The following FARP1 variants were observed in gnomAD, a reference collection of about 807,000 sequenced individuals.
The protein encoded by FARP1 is FERM, ARHGEF and pleckstrin domain-containing protein 1.
A neutral mutation model predicts 128.8 loss-of-function variants in FARP1; 52 were observed. That is an observed-to-expected ratio of 0.40 (90% confidence interval 0.32 to 0.51). The LOEUF (loss-of-function observed/expected upper bound fraction) is 0.51, where lower values mean the gene tolerates loss of function less well. Ranked by LOEUF, FARP1 falls within the 20% of genes least tolerant of loss-of-function variation. The probability of loss-of-function intolerance (pLI) is 0.45; values close to 1 mark genes in which losing one functional copy is unlikely to be tolerated. For missense variants in FARP1, 1,333 were observed against 1,367.9 expected, an observed-to-expected ratio of 0.97 and a Z score of 0.40; for synonymous variants, 580 against 551.8, an observed-to-expected ratio of 1.05 and a Z score of -0.72.
chr13:98,265,479 C>A (rs1287734843), intron 2 of FARP1, among the ~76,000 whole-genome samples: 165 of 150,958 alleles, frequency 1.1e-3, no homozygotes, highest in African/African-American at 3.9e-3. Context: ...GCCACTACGC[C>A]CGGCTAATTT....
At chr13:98,356,150 T>A (rs537461163) in intron 3 of FARP1, among the ~76,000 whole-genome samples, 1 of 152,352 alleles carries the variant, frequency 6.6e-6, no homozygotes, top group South Asian at 2.1e-4. Context: ...TCTGCCTACA[T>A]ACTAATATTG....
chr13:98,318,728 C>G (rs941839886), intron 2 of FARP1, among the ~76,000 whole-genome samples: 10 of 152,202 alleles, frequency 6.6e-5, no homozygotes, highest in African/African-American at 2.4e-4. Context: ...TCTGCCTTCT[C>G]TTTGATGTCT....
At chr13:98,240,711 G>A (rs1300479432) in intron 2 of FARP1, among the ~76,000 whole-genome samples, 1 of 152,240 alleles carries the variant, frequency 6.6e-6, no homozygotes, top group Non-Finnish European at 1.5e-5. Context: ...GAATTTCAGT[G>A]ATTTCAACAC....
At chr13:98,200,364 G>A (rs12868005) in intron 1 of FARP1, among the ~76,000 whole-genome samples, 59,092 of 147,772 alleles carry the variant, frequency 0.4, 12,975 homozygotes, top group Non-Finnish European at 0.48. Context: ...GCCTGCATCA[G>A]AATCACCTGG....
chr13:98,419,501 C>CACACACAT (rs1401320066), intron 16 of FARP1, among the ~76,000 whole-genome samples: 42 of 151,420 alleles, frequency 2.8e-4, no homozygotes, highest in Middle Eastern at 3.4e-3. Context: ...CACACACACA[C>CACACACAT]ACACACACAC....
chr13:98,217,230 TTTTTTA>T (rs367854710), intron 2 of FARP1, among the ~76,000 whole-genome samples: 267 of 152,194 alleles, frequency 1.8e-3, no homozygotes, highest in African/African-American at 6.3e-3. Flanking sequence ...GCCATTTTTA[TTTTTTA>T]TTTTTATTTT....
Position 98,209,088 on chromosome 13 carries a change from A to G in FARP1, c.-23-4132A>G, listed in dbSNP as rs190299695. Among the ~76,000 whole-genome samples, 214 of 152,248 alleles carry G rather than the reference A, an allele frequency of 1.4e-3. 1 individual carries two copies. Among genetic ancestry groups the G allele is most frequent in the African/African-American group, 4.9e-3 (205 of 41,540 alleles). The stretch of plus-strand genomic sequence containing the variant: ...CAGTGGCACGATCTCGGCTCACTGT[A>G]AGCTCCGCCTCCCGGGTTCACGCCA... On this transcript the variant is annotated intron_variant, in intron 1 of 26. Coordinates refer to ENST00000319562, the MANE Select transcript of FARP1 (RefSeq NM_005766.4).
At chr13:98,291,207 A>G (rs886649875) in intron 2 of FARP1, among the ~76,000 whole-genome samples, 8 of 152,220 alleles carry the variant, frequency 5.3e-5, no homozygotes, top group African/African-American at 1.7e-4. Context: ...AGATTCCTAC[A>G]GTAAAGTAAG....
rs902167921 is a variant in FARP1 at position 98,454,485 on chromosome 13, TACATAAGGTCCTCCCAAAAGCAC to T, written c.*6173_*6195del. The T allele has an allele frequency of 2.0e-5, 3 of 152,184 alleles. No homozygotes were observed. Among genetic ancestry groups the T allele is most frequent in the African/African-American group, 7.2e-5 (3 of 41,428 alleles). 9.4% of individuals were successfully genotyped at this position (152,184 alleles called of 1,614,324 possible). ...GCATCTCTCCCAGAGAACAAATGGT[TACATAAGGTCCTCCCAAAAGCAC>T]ACATTAGCCACGGAGCCTAAGACTC... On this transcript the variant is annotated 3_prime_UTR_variant, in exon 27 of 27. Transcript: ENST00000319562.
chr13:98,249,720 C>T (rs536558525), intron 2 of FARP1, among the ~76,000 whole-genome samples: 5 of 152,282 alleles, frequency 3.3e-5, no homozygotes, highest in East Asian at 1.9e-4. Context: ...AAATATCACA[C>T]AGGCCTTGTG....
At chr13:98,148,121 G>A (rs1258707819) in intron 1 of FARP1, among the ~76,000 whole-genome samples, 3 of 152,168 alleles carry the variant, frequency 2.0e-5, no homozygotes, top group Non-Finnish European at 4.4e-5. Flanking sequence ...GCTCACGCCT[G>A]TAACCCCAGC....
At position 98,395,270 on chromosome 13, in the gene FARP1, C is replaced by T; in HGVS notation, c.1208C>T (p.Ser403Phe). The T allele has an allele frequency of 6.2e-7, 1 of 1,607,368 alleles. No individual in the cohort carries two copies. The highest frequency in any genetic ancestry group is 1.7e-5 in the Admixed American group (1 of 59,884). ...TSLTFGEGAESPGGQSCRRGK... is the reference protein window; with the variant it reads ...TSLTFGEGAEFPGGQSCRRGK... ...CTTACATTTGGAGAAGGTGCCGAATCTCCAGGGGGCCAGAGCTGCCGGCGA... is the reference window on the plus strand; with the variant it reads ...CTTACATTTGGAGAAGGTGCCGAATTTCCAGGGGGCCAGAGCTGCCGGCGA... Residue 403 changes from serine (S) to phenylalanine (F), a missense_variant, in exon 13 of 27, where the codon TCT (serine) becomes TTT (phenylalanine). This residue lies in a region of FARP1 where 1,009 missense variants were observed against 969.8 expected (regional missense o/e 1.04). Transcript: ENST00000319562.
chr13:98,181,959 G>A (rs1306294217), intron 1 of FARP1, among the ~76,000 whole-genome samples: 3 of 152,130 alleles, frequency 2.0e-5, no homozygotes, highest in Non-Finnish European at 4.4e-5. Flanking sequence ...CATTGCAAGA[G>A]AGATTAGCGC....
At chr13:98,419,483 T>TACACACACACACACACACACACACAC (rs57751374) in intron 16 of FARP1, among the ~76,000 whole-genome samples, 1 of 139,956 alleles carries the variant, frequency 7.1e-6, no homozygotes, top group Non-Finnish European at 1.5e-5. Context: ...CAAAAAAAAA[T>TACACACACACACACACACACACACAC]ACACACACAC....
In FARP1 at chr13:98,256,948, G is replaced by GGTATATATATATATATAT. The variant is rs59128917; in HGVS notation, c.171+43535_171+43536insGTATATATATATATATAT. On this transcript the variant is annotated intron_variant, in intron 2 of 26. Transcript: ENST00000319562. ...CAATAATTTTCAAAGTATATATGTG[G>GGTATATATATATATATAT]ATATATATATATATATATATATATA... is the stretch of plus-strand genomic sequence containing the variant. Among the ~76,000 whole-genome samples, 14 of 77,094 alleles carry GGTATATATATATATATAT rather than the reference G, an allele frequency of 1.8e-4. 1 individual carries two copies. The highest frequency in any genetic ancestry group is 0.012 in the Middle Eastern group (1 of 82). The allele number at this position is 77,094 out of a possible 152,430, so 50.6% of individuals were successfully genotyped here. A position where few individuals can be genotyped will look rare whatever the true frequency, so the allele number is the denominator to read the frequency against.
intron 2 of FARP1, among the ~76,000 whole-genome samples, chr13:98,272,372 C>A (rs1298134550): frequency 6.6e-6 from 1 of 152,050 alleles, no homozygotes; most frequent in Admixed American, 6.6e-5. Flanking sequence ...CCCTTTTGCA[C>A]GCTAATGGAA....
intron 2 of FARP1, among the ~76,000 whole-genome samples, chr13:98,236,347 A>G (rs1278264418): frequency 6.6e-6 from 1 of 152,218 alleles, no homozygotes; most frequent in Non-Finnish European, 1.5e-5. Context: ...AATTAAAACC[A>G]TGTAAGGCCA....
At chr13:98,344,606 GATT>G (rs1401764363) in intron 3 of FARP1, among the ~76,000 whole-genome samples, 1 of 152,164 alleles carries the variant, frequency 6.6e-6, no homozygotes, top group Non-Finnish European at 1.5e-5. Context: ...AGAATCTTGT[GATT>G]ATTATGAATG....
intron 1 of FARP1, among the ~76,000 whole-genome samples, chr13:98,212,158 C>T (rs1341511231): frequency 6.6e-5 from 10 of 152,178 alleles, no homozygotes; most frequent in Admixed American, 1.3e-4. Context: ...TGGCTTCAAG[C>T]GATTCTCCTG....
Sources: allele counts gnomAD v4.1 joint callset (sites outside exome capture counted in the v4.1 genomes callset), GRCh38; gene constraint gnomAD v4.1.1; regional missense constraint gnomAD v4.1.1; transcripts MANE v1.5; gene names NCBI Gene and HGNC (gene_info 2026-07-23, HGNC 2026-07-21).